Variants in GRID2 observed in about 807,000 individuals in gnomAD.
GRID2 encodes glutamate ionotropic receptor delta type subunit 2.
GRID2 carries 33 observed loss-of-function variants against 114.8 expected under a neutral mutation model. That is an observed-to-expected ratio of 0.29 (90% confidence interval 0.22 to 0.38). GRID2 has a LOEUF of 0.38. Among genes scored for constraint, GRID2 ranks in the 10% least tolerant of loss-of-function variants. The pLI, the probability that GRID2 is intolerant of heterozygous loss-of-function variation, is 1.00. For synonymous variants in GRID2, 505 were observed against 449.9 expected, an observed-to-expected ratio of 1.12 and a Z score of -1.55; for missense variants, 1,184 against 1,257.7, an observed-to-expected ratio of 0.94 and a Z score of 0.89.
intron 2 of GRID2, among the ~76,000 whole-genome samples, chr4:92,979,764 A>G (rs551546837): frequency 6.6e-6 from 1 of 152,298 alleles, no homozygotes; most frequent in South Asian, 2.1e-4. Flanking sequence ...CTTTGGAATT[A>G]GTGCAAGCAA....
intron 4 of GRID2, among the ~76,000 whole-genome samples, chr4:93,156,653 T>C (rs1737212870): frequency 6.6e-6 from 1 of 151,730 alleles, no homozygotes; most frequent in African/African-American, 2.4e-5. Context: ...ATGGATACTT[T>C]GGCAAGGGTG....
rs1384239627 is a variant in GRID2 at position 93,679,365 on chromosome 4, T to A, written c.2360+52930T>A. Among the ~76,000 whole-genome samples, 5 of 150,756 alleles carry A rather than the reference T, an allele frequency of 3.3e-5. 1 individual carries two copies. Among genetic ancestry groups the A allele is most frequent in the African/African-American group, 7.4e-5 (3 of 40,530 alleles). ...CACCCCACTGTCAACATTAGACAGA[T>A]CAACGAGACAGAAAGTTAACAAGGA... On this transcript the variant is annotated intron_variant, in intron 14 of 15. Coordinates refer to ENST00000282020, the MANE Select transcript of GRID2 (RefSeq NM_001510.4).
chr4:92,967,298 A>G (rs1281426658), intron 2 of GRID2, among the ~76,000 whole-genome samples: 1 of 152,000 alleles, frequency 6.6e-6, no homozygotes, highest in Non-Finnish European at 1.5e-5. Context: ...TAATTATGAA[A>G]CACCAAATTG....
intron 1 of GRID2, among the ~76,000 whole-genome samples, chr4:93,787,929 A>G (rs1337768418): frequency 6.6e-6 from 1 of 152,208 alleles, no homozygotes; most frequent in Non-Finnish European, 1.5e-5. Flanking sequence ...AATATTTTGT[A>G]TGTGGAGTGA....
chr4:92,843,484 T>A (rs193112200), intron 2 of GRID2, among the ~76,000 whole-genome samples: 1 of 152,266 alleles, frequency 6.6e-6, no homozygotes, highest in East Asian at 1.9e-4. Context: ...TGTGAAAATA[T>A]GTTATTACTT....
chr4:92,385,428 A>T (rs529726806), intron 1 of GRID2, among the ~76,000 whole-genome samples: 26 of 151,876 alleles, frequency 1.7e-4, no homozygotes, highest in Non-Finnish European at 2.1e-4. Flanking sequence ...GGAATTTATT[A>T]AAAAAATTAT....
Position 93,780,591 on chromosome 4 carries a change from A to C in GRID2, c.221+11141A>C, listed in dbSNP as rs866074478. 3.3e-5 allele frequency among the ~76,000 whole-genome samples: 5 copies of C among 152,306 alleles called. No homozygotes were observed. The South Asian group carries it at 1.0e-3, about 32-fold the overall frequency. On this transcript the variant is annotated intron_variant, in intron 1 of 1. Coordinates refer to the GRID2 transcript ENST00000637838. ...AACAGTCTTGGAATCATAACTGCCG[A>C]CACCTTCCCACCCTCCTTTGGTCCT...
intron 2 of GRID2, among the ~76,000 whole-genome samples, chr4:92,728,763 C>G (rs1736183107): frequency 6.6e-6 from 1 of 151,898 alleles, no homozygotes; most frequent in Non-Finnish European, 1.5e-5. Flanking sequence ...GAAATAGCCT[C>G]TTACTCTTTG....
chr4:93,403,320 T>C (rs1199200317), intron 9 of GRID2, among the ~76,000 whole-genome samples: 1 of 152,038 alleles, frequency 6.6e-6, no homozygotes, highest in Non-Finnish European at 1.5e-5. Flanking sequence ...AAGAACACAG[T>C]TCCCACAGTT....
intron 8 of GRID2, among the ~76,000 whole-genome samples, chr4:93,374,605 A>G (rs1400014498): frequency 6.6e-6 from 1 of 152,142 alleles, no homozygotes; most frequent in African/African-American, 2.4e-5. Context: ...AATTTAAGTC[A>G]GTTGAAATCC....
At chr4:93,741,195 A>ATATG (rs1291694659) in intron 14 of GRID2, among the ~76,000 whole-genome samples, 2 of 30,780 alleles carry the variant, frequency 6.5e-5, no homozygotes, top group Non-Finnish European at 1.2e-4. Flanking sequence ...ATATATATAT[A>ATATG]TATATGTATA....
At chr4:93,806,510 G>A (rs946864434) in intron 1 of GRID2, among the ~76,000 whole-genome samples, 1 of 152,190 alleles carries the variant, frequency 6.6e-6, no homozygotes, top group Non-Finnish European at 1.5e-5. Flanking sequence ...AATATGCTCT[G>A]GTTTTTGACA....
chr4:92,922,437 T>C (rs1373807518), intron 2 of GRID2, among the ~76,000 whole-genome samples: 2 of 152,064 alleles, frequency 1.3e-5, no homozygotes, highest in African/African-American at 4.8e-5. Flanking sequence ...TCTGTGTCGC[T>C]CATGCTGGGA....
At chr4:92,640,531 T>C (rs1490968095) in intron 2 of GRID2, among the ~76,000 whole-genome samples, 1 of 151,774 alleles carries the variant, frequency 6.6e-6, no homozygotes, top group African/African-American at 2.4e-5. Context: ...AAGCCCAGGA[T>C]ATGACTAAAG....
intron 2 of GRID2, among the ~76,000 whole-genome samples, chr4:92,600,388 G>C (rs897923695): frequency 6.6e-6 from 1 of 151,838 alleles, no homozygotes; most frequent in African/African-American, 2.4e-5. Context: ...CAAGGGATGA[G>C]AAGTTGTCAT....
intron 8 of GRID2, among the ~76,000 whole-genome samples, chr4:93,307,675 C>G (rs1220119322): frequency 6.6e-6 from 1 of 151,950 alleles, no homozygotes; most frequent in Non-Finnish European, 1.5e-5. Context: ...CATAGTTTAC[C>G]CGAAATATAA....
At chr4:93,105,897 G>T (rs1368580045) in intron 3 of GRID2, among the ~76,000 whole-genome samples, 1 of 151,958 alleles carries the variant, frequency 6.6e-6, no homozygotes, top group African/African-American at 2.4e-5. Flanking sequence ...TCTATCTGCA[G>T]CCTTAATTTG....
intron 2 of GRID2, among the ~76,000 whole-genome samples, chr4:92,605,864 G>A (rs993744756): frequency 1.3e-5 from 2 of 151,996 alleles, no homozygotes; most frequent in African/African-American, 2.4e-5. Flanking sequence ...CCTTGGACAT[G>A]GTGTGTATTC....
intron 2 of GRID2, among the ~76,000 whole-genome samples, chr4:93,002,931 A>T (rs998664668): frequency 6.6e-6 from 1 of 151,712 alleles, no homozygotes; most frequent in Non-Finnish European, 1.5e-5. Context: ...GACACCTTTC[A>T]CACACGACTA....
Sources: allele counts gnomAD v4.1 joint callset (sites outside exome capture counted in the v4.1 genomes callset), GRCh38; gene constraint gnomAD v4.1.1; transcripts MANE v1.5; gene names NCBI Gene and HGNC (gene_info 2026-07-23, HGNC 2026-07-21).